SCD5: variants seen among roughly 807,000 people sequenced by gnomAD.
SCD5 encodes the protein stearoyl-CoA desaturase 5, also known as acyl-CoA-desaturase 4.
SCD5 carries 20 observed loss-of-function variants against 30.4 expected under a neutral mutation model. The ratio of observed to expected loss-of-function variants is 0.66; its 90% confidence interval spans 0.46 to 0.96. SCD5 has a LOEUF of 0.96. SCD5 is among the 40% of genes least tolerant of loss of function. The pLI is 0.00. For synonymous variants in SCD5, 173 were observed against 176.4 expected (o/e 0.98, Z 0.16); for missense variants, 381 against 443.3 (o/e 0.86, Z 1.26).
intron 1 of SCD5, among the ~76,000 whole-genome samples, chr4:82,792,425 C>T (rs1314064711): frequency 1.3e-5 from 2 of 152,006 alleles, no homozygotes; most frequent in African/African-American, 4.8e-5. Context: ...TAGCATATGC[C>T]CTATCCAGGC....
intron 3 of SCD5, among the ~76,000 whole-genome samples, chr4:82,640,729 A>C (rs1727524926): frequency 6.6e-6 from 1 of 152,164 alleles, no homozygotes; most frequent in Non-Finnish European, 1.5e-5. Context: ...GCTTCAGAAG[A>C]AGCACTGAGA....
intron 1 of SCD5, among the ~76,000 whole-genome samples, chr4:82,720,740 T>C (rs1217646756): frequency 1.3e-5 from 2 of 152,168 alleles, no homozygotes; most frequent in Admixed American, 6.5e-5. Context: ...GGCATTGCCC[T>C]ACCTGGGAAG....
chr4:82,665,045 C>CACACAAAT (rs3047047), intron 3 of SCD5, among the ~76,000 whole-genome samples: 1 of 118,048 alleles, frequency 8.5e-6, no homozygotes. Flanking sequence ...CACACACACA[C>CACACAAAT]ATATATACAC....
chr4:82,665,255 T>G (rs1222237453), intron 3 of SCD5, among the ~76,000 whole-genome samples: 1 of 138,874 alleles, frequency 7.2e-6, no homozygotes, highest in Admixed American at 7.1e-5. Context: ...AAAAAAGAGT[T>G]CCAAAGAAAA....
chr4:82,638,355 TGACAGGCATG>T (rs1727475646), intron 3 of SCD5, among the ~76,000 whole-genome samples: 1 of 152,106 alleles, frequency 6.6e-6, no homozygotes, highest in African/African-American at 2.4e-5. Flanking sequence ...TGAGCTCCAT[TGACAGGCATG>T]GATGGGCAAA....
At chr4:82,722,333 G>A (rs1720385425) in intron 1 of SCD5, among the ~76,000 whole-genome samples, 1 of 152,122 alleles carries the variant, frequency 6.6e-6, no homozygotes, top group South Asian at 2.1e-4. Flanking sequence ...AGCCTCCTAT[G>A]TCAGCACTAG....
intron 3 of SCD5, among the ~76,000 whole-genome samples, chr4:82,663,439 C>G (rs1045350624): frequency 2.0e-5 from 3 of 152,206 alleles, no homozygotes; most frequent in Non-Finnish European, 2.9e-5. Flanking sequence ...CCAGGACCCC[C>G]TCTGCCACAT....
intron 1 of SCD5, among the ~76,000 whole-genome samples, chr4:82,732,964 G>A (rs6820949): frequency 0.19 from 29,217 of 152,134 alleles, 3,286 homozygotes; most frequent in Middle Eastern, 0.3. Flanking sequence ...GAAAGAGGAG[G>A]TGGAGTGGTT....
chr4:82,797,476 G>C (rs1053737038), intron 1 of SCD5, among the ~76,000 whole-genome samples: 2 of 151,868 alleles, frequency 1.3e-5, no homozygotes, highest in Non-Finnish European at 2.9e-5. Context: ...CCAGGGGAAG[G>C]GGAATGGTGG....
At chr4:82,691,148 C>G (rs1728826636) in intron 2 of SCD5, among the ~76,000 whole-genome samples, 1 of 152,206 alleles carries the variant, frequency 6.6e-6, no homozygotes, top group African/African-American at 2.4e-5. Context: ...GCCTCAGCCT[C>G]CCGAGTAGCT....
intron 1 of SCD5, among the ~76,000 whole-genome samples, chr4:82,791,011 G>A (rs1030059161): frequency 2.0e-5 from 3 of 152,120 alleles, no homozygotes; most frequent in African/African-American, 7.2e-5. Context: ...AGGCCAAGGT[G>A]GGTGGATCAT....
At position 82,630,538 on chromosome 4, in the gene SCD5, T is replaced by C. The variant is rs1316551393; in HGVS notation, c.*789A>G. On this transcript the variant is annotated 3_prime_UTR_variant, in exon 5 of 5. Coordinates refer to ENST00000319540, the MANE Select transcript of SCD5 (RefSeq NM_001037582.3). Reference sequence around the variant, plus strand: ...TACACTGAAAGAATATTACTTTCCTTCATCCTGTCAGGGTTAGCATCATGT... The same window carrying C: ...TACACTGAAAGAATATTACTTTCCTCCATCCTGTCAGGGTTAGCATCATGT... 1.3e-5 allele frequency: 2 copies of C among 152,256 alleles called. No individual in the cohort carries two copies. The highest frequency in any genetic ancestry group is 2.9e-5 in the Non-Finnish European group (2 of 68,036). 9.4% of individuals were successfully genotyped at this position (152,256 alleles called of 1,614,324 possible).
intron 1 of SCD5, among the ~76,000 whole-genome samples, chr4:82,755,822 A>G (rs530083101): frequency 2.4e-4 from 37 of 152,288 alleles, no homozygotes; most frequent in African/African-American, 8.4e-4. Flanking sequence ...ACCATGTTGA[A>G]TTTAATTTTA....
intron 2 of SCD5, among the ~76,000 whole-genome samples, chr4:82,696,879 T>A (rs966294459): frequency 2.0e-5 from 3 of 152,208 alleles, no homozygotes; most frequent in Non-Finnish European, 4.4e-5. Flanking sequence ...ACAGTCTTCT[T>A]CAATGTCCAT....
chr4:82,729,042 G>A (rs1021023785), intron 1 of SCD5, among the ~76,000 whole-genome samples: 2 of 152,212 alleles, frequency 1.3e-5, no homozygotes, highest in Non-Finnish European at 1.5e-5. Flanking sequence ...GAAAGGTATA[G>A]AAGTGTTTGG....
intron 3 of SCD5, among the ~76,000 whole-genome samples, chr4:82,638,594 T>C (rs973633316): frequency 1.3e-5 from 2 of 152,196 alleles, no homozygotes; most frequent in African/African-American, 4.8e-5. Context: ...CACTTCCAGG[T>C]CTGCTTGGGT....
intron 1 of SCD5, among the ~76,000 whole-genome samples, chr4:82,721,231 T>C (rs1720364377): frequency 6.6e-6 from 1 of 152,158 alleles, no homozygotes; most frequent in African/African-American, 2.4e-5. Flanking sequence ...CGCAGCTCCC[T>C]GTAGCATATA....
intron 2 of SCD5, among the ~76,000 whole-genome samples, chr4:82,683,257 A>G (rs1226599319): frequency 6.6e-6 from 1 of 152,222 alleles, no homozygotes; most frequent in East Asian, 1.9e-4. Flanking sequence ...AAAACATTTT[A>G]TTATTTAGAA....
chr4:82,668,366 G>A (rs1323068850), intron 3 of SCD5, among the ~76,000 whole-genome samples: 1 of 152,148 alleles, frequency 6.6e-6, no homozygotes, highest in Non-Finnish European at 1.5e-5. Flanking sequence ...GGCCCAGTCA[G>A]GCATTGGGCA....
Sources: allele counts gnomAD v4.1 joint callset (sites outside exome capture counted in the v4.1 genomes callset), GRCh38; gene constraint gnomAD v4.1.1; transcripts MANE v1.5; gene names NCBI Gene and HGNC (gene_info 2026-07-23, HGNC 2026-07-21).